BMPR1B: variants seen among roughly 807,000 people sequenced by gnomAD.
BMPR1B encodes bone morphogenetic protein receptor type 1B.
In BMPR1B, 12 loss-of-function variants were observed where a neutral mutation model predicts 59.1. That is an observed-to-expected ratio of 0.20 (90% confidence interval 0.13 to 0.33). The LOEUF (loss-of-function observed/expected upper bound fraction) is 0.33. Among genes scored for constraint, BMPR1B ranks in the 10% least tolerant of loss-of-function variants. BMPR1B has a pLI of 1.00. For synonymous variants in BMPR1B, 237 were observed against 207.3 expected (o/e 1.14, Z -1.23); for missense variants, 550 against 610.9 (o/e 0.90, Z 1.05).
At chr4:95,056,786 CAAACA>C (rs79863878) in intron 3 of BMPR1B, among the ~76,000 whole-genome samples, 43,607 of 151,698 alleles carry the variant, frequency 0.29, 6,722 homozygotes, top group South Asian at 0.4. Flanking sequence ...GGCCTGAAAA[CAAACA>C]AAACAAAACA....
In BMPR1B at chr4:94,849,793, G is replaced by GGGGTGTGTGTGTTT. The variant is rs377030956; in HGVS notation, c.-182-26037_-182-26036insGGTGTGTGTGTTTG. Among the ~76,000 whole-genome samples the GGGGTGTGTGTGTTT allele has an allele frequency of 9.7e-4, 26 of 26,932 alleles. No individual in the cohort carries two copies. In the South Asian group the frequency reaches 0.034, roughly 35 times the overall value. The allele number at this position is 26,932 out of a possible 152,430, so 17.7% of individuals were successfully genotyped here. A position where few individuals can be genotyped will look rare whatever the true frequency, so the allele number is the denominator to read the frequency against. ...CATAATAAGGTAGGAGGGGTTTTTT[G>GGGGTGTGTGTGTTT]GTGTGTGTGTGTGTGTGTGTGTGTG... On this transcript the variant is annotated intron_variant, in intron 1 of 12. Transcript: ENST00000515059.
intron 11 of BMPR1B, among the ~76,000 whole-genome samples, chr4:95,150,277 A>T (rs1326593478): frequency 6.6e-6 from 1 of 152,304 alleles, no homozygotes; most frequent in African/African-American, 2.4e-5. Context: ...TGTAAAGAAG[A>T]AGTAACCAAA....
At chr4:95,016,447 C>T (rs976313088) in intron 3 of BMPR1B, among the ~76,000 whole-genome samples, 3 of 152,054 alleles carry the variant, frequency 2.0e-5, no homozygotes, top group Admixed American at 1.3e-4. Context: ...ATGTTTTATT[C>T]GTATGATTCA....
chr4:95,106,232 A>T (rs1731191891), intron 4 of BMPR1B, among the ~76,000 whole-genome samples: 1 of 152,000 alleles, frequency 6.6e-6, no homozygotes, highest in South Asian at 2.1e-4. Context: ...TAAGAACGTG[A>T]TCTTATTCCT....
At chr4:95,023,137 T>A (rs1281423878) in intron 3 of BMPR1B, among the ~76,000 whole-genome samples, 2 of 152,196 alleles carry the variant, frequency 1.3e-5, no homozygotes, top group Admixed American at 1.3e-4. Context: ...AGGCTCAAAA[T>A]GAATATAACC....
At chr4:94,879,683 G>A (rs1578754125) in intron 2 of BMPR1B, among the ~76,000 whole-genome samples, 1 of 152,026 alleles carries the variant, frequency 6.6e-6, no homozygotes, top group African/African-American at 2.4e-5. Flanking sequence ...TTTTCCTGTT[G>A]TTTCGTCCAG....
chr4:95,076,283 T>C (rs764647613), intron 3 of BMPR1B, among the ~76,000 whole-genome samples: 68 of 152,104 alleles, frequency 4.5e-4, no homozygotes, highest in Non-Finnish European at 8.7e-4. Context: ...ATAGTTAGCT[T>C]GTCTTTTTTA....
intron 1 of BMPR1B, among the ~76,000 whole-genome samples, chr4:94,815,656 G>A (rs900760292): frequency 1.3e-5 from 2 of 152,152 alleles, no homozygotes; most frequent in Non-Finnish European, 1.5e-5. Flanking sequence ...AGAATCACAC[G>A]TGGCTAGATG....
intron 10 of BMPR1B, among the ~76,000 whole-genome samples, chr4:95,147,570 C>CA (rs377535173): frequency 0.021 from 3,057 of 142,984 alleles, 103 homozygotes; most frequent in African/African-American, 0.073. Context: ...AAAGCAAAAG[C>CA]AAAAAAAAAA....
chr4:94,872,219 A>T (rs536707637), intron 1 of BMPR1B, among the ~76,000 whole-genome samples: 5 of 152,222 alleles, frequency 3.3e-5, no homozygotes, highest in African/African-American at 1.2e-4. Context: ...TTTGAAGGCA[A>T]AGCCCTAGAG....
In BMPR1B at chr4:95,026,098, A is replaced by ATTTCTTTCTTTCTTTCTTTCTTTC. The variant is rs70946580; in HGVS notation, c.-18+30006_-18+30029dup. On this transcript the variant is annotated intron_variant, in intron 3 of 12. Transcript: ENST00000515059. ...TTGGCTGGCTGGATTGCTTTCTTTCATTTCTTTCTTTCTTTCTTTCTTTCT... is the reference window on the plus strand; with the variant it reads ...TTGGCTGGCTGGATTGCTTTCTTTCATTTCTTTCTTTCTTTCTTTCTTTCTTTCTTTCTTTCTTTCTTTCTTTCT... Among the ~76,000 whole-genome samples, 559 of 101,632 alleles carry ATTTCTTTCTTTCTTTCTTTCTTTC rather than the reference A, an allele frequency of 5.5e-3. 9 individuals carry two copies. The highest frequency in any genetic ancestry group is 0.012 in the East Asian group (46 of 3,746). 66.7% of individuals were successfully genotyped at this position (101,632 alleles called of 152,430 possible).
At chr4:95,052,598 A>G (rs1257176047) in intron 3 of BMPR1B, among the ~76,000 whole-genome samples, 1 of 152,024 alleles carries the variant, frequency 6.6e-6, no homozygotes. Context: ...CATATTATAG[A>G]ACTAACTTGG....
At chr4:94,905,050 T>G (rs1165925303) in intron 2 of BMPR1B, among the ~76,000 whole-genome samples, 1 of 152,062 alleles carries the variant, frequency 6.6e-6, no homozygotes, top group Non-Finnish European at 1.5e-5. Context: ...ATAAATTATT[T>G]GAAAATAGAT....
At chr4:95,068,915 G>A (rs79620486) in intron 3 of BMPR1B, among the ~76,000 whole-genome samples, 1,868 of 152,230 alleles carry the variant, frequency 0.012, 20 homozygotes, top group Middle Eastern at 0.088. Flanking sequence ...TTGGAAACTG[G>A]CACTTTAAGC....
chr4:94,993,575 C>T (rs979799916), intron 2 of BMPR1B, among the ~76,000 whole-genome samples: 1 of 151,802 alleles, frequency 6.6e-6, no homozygotes, highest in African/African-American at 2.4e-5. Context: ...GCCTGGCCAA[C>T]ATGGCAAAAC....
At chr4:95,065,838 TATA>T (rs1010168071) in intron 3 of BMPR1B, among the ~76,000 whole-genome samples, 1 of 152,202 alleles carries the variant, frequency 6.6e-6, no homozygotes, top group Non-Finnish European at 1.5e-5. Flanking sequence ...CAATATCAAT[TATA>T]ATAATATTTT....
intron 6 of BMPR1B, among the ~76,000 whole-genome samples, chr4:95,116,419 G>GCACACACACACACACACACA (rs1168592798): frequency 1.6e-4 from 8 of 51,148 alleles, no homozygotes; most frequent in Non-Finnish European, 2.6e-4. Context: ...CTTTCAGCGC[G>GCACACACACACACACACACA]CGCACACACA....
At chr4:95,005,240 G>T (rs749599985) in intron 3 of BMPR1B, among the ~76,000 whole-genome samples, 1 of 152,068 alleles carries the variant, frequency 6.6e-6, no homozygotes, top group Non-Finnish European at 1.5e-5. Context: ...TAGAGGTAGA[G>T]AATCAATTTT....
At chr4:94,887,490 G>GA (rs1301684248) in intron 2 of BMPR1B, among the ~76,000 whole-genome samples, 1 of 134,114 alleles carries the variant, frequency 7.5e-6, no homozygotes, top group Non-Finnish European at 1.6e-5. Flanking sequence ...TTAGGTATAA[G>GA]AAAAATACCT....
Sources: allele counts gnomAD v4.1 joint callset (sites outside exome capture counted in the v4.1 genomes callset), GRCh38; gene constraint gnomAD v4.1.1; transcripts MANE v1.5; gene names NCBI Gene and HGNC (gene_info 2026-07-23, HGNC 2026-07-21).